The following GNPTAB variants were observed in gnomAD, a reference collection of about 807,000 sequenced individuals.
GNPTAB encodes the protein N-acetylglucosamine-1-phosphate transferase subunits alpha and beta.
A neutral mutation model predicts 136.6 loss-of-function variants in GNPTAB; 92 were observed. The ratio of observed to expected loss-of-function variants is 0.67; its 90% CI spans 0.57 to 0.80. GNPTAB has a LOEUF of 0.80. Among genes scored for constraint, GNPTAB ranks in the 30% least tolerant of loss-of-function variants. The probability of loss-of-function intolerance (pLI) is 0.00; values close to 1 mark genes in which losing one functional copy is unlikely to be tolerated. For synonymous variants in GNPTAB, 512 were observed against 535.1 expected, an observed-to-expected ratio of 0.96 and a Z score of 0.60; for missense variants, 1,343 against 1,501.8, an observed-to-expected ratio of 0.89 and a Z score of 1.75.
intron 1 of GNPTAB, among the ~76,000 whole-genome samples, chr12:101,814,534 T>G (rs180936536): frequency 6.6e-6 from 1 of 151,588 alleles, no homozygotes; most frequent in Non-Finnish European, 1.5e-5. Context: ...CTGTCTCTAC[T>G]GAAAATACAA....
chr12:101,824,433 TTTTC>T (rs1434944064), intron 1 of GNPTAB, among the ~76,000 whole-genome samples: 12 of 90,678 alleles, frequency 1.3e-4, no homozygotes, highest in African/African-American at 4.6e-4. Context: ...TATATATATA[TTTTC>T]TTTTTTTTTT....
intron 1 of GNPTAB, among the ~76,000 whole-genome samples, chr12:101,804,061 G>A (rs1054284697): frequency 2.6e-5 from 4 of 151,650 alleles, no homozygotes; most frequent in African/African-American, 4.8e-5. Flanking sequence ...GTAAGACCTT[G>A]TCTCTATTTA....
chr12:101,807,809 AG>A (rs1421719008), intron 1 of GNPTAB, among the ~76,000 whole-genome samples: 1 of 152,174 alleles, frequency 6.6e-6, no homozygotes, highest in Non-Finnish European at 1.5e-5. Flanking sequence ...GCACACTTGT[AG>A]TCCCAGCTAC....
rs1293706594 is a variant in GNPTAB at position 101,761,193 on chromosome 12, A to C, written c.3069T>G (p.Gly1023=). ...TTCGGATTTCTCTGTCAGACAAGAC[A>C]CCAGATTGATCTGTATCAACTTCAT... ...VFDEVDTDQS[G]VLSDREIRTL... The change falls in exon 15 of 21, where the codon GGT becomes GGG. Residue 1023 remains glycine (G), a synonymous_variant. Coordinates refer to ENST00000299314, the MANE Select transcript of GNPTAB (RefSeq NM_024312.5). The C allele has an allele frequency of 3.7e-6, 6 of 1,614,020 alleles. No homozygotes were observed. The Admixed American group carries it at 8.3e-5, about 22-fold the overall frequency.
At chr12:101,805,236 AAT>A (rs1869869401) in intron 1 of GNPTAB, among the ~76,000 whole-genome samples, 1 of 152,228 alleles carries the variant, frequency 6.6e-6, no homozygotes, top group South Asian at 2.1e-4. Flanking sequence ...AGTTTTGCAC[AAT>A]ATCTGTTTGT....
intron 2 of GNPTAB, among the ~76,000 whole-genome samples, chr12:101,792,069 G>T (rs1869023668): frequency 6.6e-6 from 1 of 152,202 alleles, no homozygotes; most frequent in Non-Finnish European, 1.5e-5. Flanking sequence ...AGCAAATGGG[G>T]ATAGAAAGAG....
chr12:101,802,578 A>C (rs1041651515), intron 1 of GNPTAB, among the ~76,000 whole-genome samples: 1 of 152,186 alleles, frequency 6.6e-6, no homozygotes, highest in African/African-American at 2.4e-5. Context: ...GAAGGAAAAA[A>C]AAACACTCCA....
chr12:101,748,646 G>C lies in GNPTAB; in HGVS notation c.3693+455C>G, dbSNP rs147616121. On this transcript the variant is annotated intron_variant, in intron 20 of 20. Transcript: ENST00000299314. ...GGAGAGAGGAGGGAGAACTCCTAGC[G>C]ATTGAAAGAAAGATAAATGGGAGCT... Among the ~76,000 whole-genome samples, 71 of 152,242 alleles carry C rather than the reference G, an allele frequency of 4.7e-4. 2 individuals are homozygous for C. The highest frequency in any genetic ancestry group is 2.9e-4 in the Non-Finnish European group (20 of 68,006).
At chr12:101,824,129 TA>T (rs890288801) in intron 1 of GNPTAB, among the ~76,000 whole-genome samples, 2 of 152,074 alleles carry the variant, frequency 1.3e-5, no homozygotes, top group African/African-American at 4.8e-5. Flanking sequence ...TCCCAGTGGT[TA>T]ACAAGGGTAT....
At chr12:101,829,487 A>AAAAAT (rs1871260247) in intron 1 of GNPTAB, among the ~76,000 whole-genome samples, 1 of 152,190 alleles carries the variant, frequency 6.6e-6, no homozygotes, top group African/African-American at 2.4e-5. Context: ...TCTGTCTCAA[A>AAAAAT]AAAATAAAAT....
At chr12:101,765,527 A>G in intron 12 of GNPTAB, 1 of 551,588 alleles carries the variant, frequency 1.8e-6, no homozygotes, top group Non-Finnish European at 3.2e-6. Context: ...TCACTTTCTA[A>G]GAGTGACTTT....
chr12:101,813,116 AGC>A (rs1246414178), intron 1 of GNPTAB, among the ~76,000 whole-genome samples: 3 of 152,038 alleles, frequency 2.0e-5, no homozygotes, highest in Non-Finnish European at 4.4e-5. Context: ...TACAGGCATG[AGC>A]CACCACACCC....
chr12:101,786,178 C>T lies in GNPTAB; in HGVS notation c.405G>A (p.Lys135=). 3.7e-6 allele frequency: 6 copies of T among 1,613,908 alleles called. No homozygotes were observed. Among genetic ancestry groups the T allele is most frequent in the Non-Finnish European group, 5.1e-6 (6 of 1,179,946 alleles). The part of the protein sequence containing the change: ...QLECLLTHCI[K]VPMLVLDPAL... Reference sequence around the variant, plus strand: ...CTGGGTCCAGGACAAGCATTGGCACCTTAATGCAGTGTGTTAGCAAACACT... The same window carrying T: ...CTGGGTCCAGGACAAGCATTGGCACTTTAATGCAGTGTGTTAGCAAACACT... Residue 135 remains lysine (K), a synonymous_variant, in exon 5 of 21, where the codon AAG becomes AAA. Transcript: ENST00000299314.
chr12:101,759,886 T>C (rs548824008), intron 16 of GNPTAB, 144 bp downstream of exon 16: 1 of 680,582 alleles, frequency 1.5e-6, no homozygotes, highest in Non-Finnish European at 2.7e-6. Context: ...ATGATTCGGA[T>C]TACCTGTGCT....
chr12:101,822,862 C>T (rs1195286832), intron 1 of GNPTAB, among the ~76,000 whole-genome samples: 2 of 152,172 alleles, frequency 1.3e-5, no homozygotes, highest in African/African-American at 4.8e-5. Context: ...GGCTACACAT[C>T]CCACAAGGTG....
At chr12:101,791,687 C>T (rs1335272469) in intron 2 of GNPTAB, among the ~76,000 whole-genome samples, 1 of 152,156 alleles carries the variant, frequency 6.6e-6, no homozygotes, top group African/African-American at 2.4e-5. Flanking sequence ...GCATACCCTC[C>T]TTTTGTCCTC....
At chr12:101,819,932 AAC>A (rs1270264996) in intron 1 of GNPTAB, among the ~76,000 whole-genome samples, 2 of 152,228 alleles carry the variant, frequency 1.3e-5, no homozygotes, top group Non-Finnish European at 2.9e-5. Flanking sequence ...TAGCAATCAT[AAC>A]ACAGCACACC....
rs777758175 is a variant in GNPTAB, at chr12:101,757,656, G to A, written c.3251C>T (p.Pro1084Leu). Reference protein sequence around the residue: ...TQESYYDPNLPPVTKSLVTNC... With the variant: ...TQESYYDPNLLPVTKSLVTNC... ...TGTTACTAGACTTTTAGTGACCGGTGGCTATGAGAAAATATAAGTAGATCA... is the reference window on the plus strand; with the variant it reads ...TGTTACTAGACTTTTAGTGACCGGTAGCTATGAGAAAATATAAGTAGATCA... The change falls in exon 17 of 21, where the codon CCA (proline) becomes CTA (leucine). Residue 1084 changes from proline (P) to leucine (L), a missense_variant and splice_region_variant. Pro to Leu is a moderately conservative substitution (Grantham distance 98). Coordinates refer to ENST00000299314, the MANE Select transcript of GNPTAB (RefSeq NM_024312.5). 1 of 1,501,198 alleles carries A rather than the reference G, an allele frequency of 6.7e-7. No homozygotes were observed. The highest frequency in any genetic ancestry group is 9.3e-7 in the Non-Finnish European group (1 of 1,077,856). 93.0% of individuals were successfully genotyped at this position (1,501,198 alleles called of 1,614,324 possible). A position where few individuals can be genotyped will look rare whatever the true frequency, so the allele number is the denominator to read the frequency against.
At chr12:101,819,225 T>C (rs1031200328) in intron 1 of GNPTAB, among the ~76,000 whole-genome samples, 11 of 152,130 alleles carry the variant, frequency 7.2e-5, no homozygotes, top group Admixed American at 4.6e-4. Flanking sequence ...TTCGCCAGGC[T>C]CGTCTTGAAC....
Sources: gnomAD v4.1 joint callset for allele counts (sites outside exome capture counted in the v4.1 genomes callset) on GRCh38, gnomAD v4.1.1 for gene constraint, MANE v1.5 for transcripts, NCBI Gene and HGNC (gene_info 2026-07-23, HGNC 2026-07-21) for gene names.